KCNG2: variants seen among roughly 807,000 people sequenced by gnomAD.
The protein encoded by KCNG2 is potassium voltage-gated channel modifier subfamily G member 2, also known as voltage-gated potassium channel regulatory subunit KCNG2.
A neutral mutation model predicts 12.3 loss-of-function variants in KCNG2; 7 were observed. The ratio of observed to expected loss-of-function variants is 0.57; its 90% CI spans 0.32 to 1.07. The LOEUF (loss-of-function observed/expected upper bound fraction) is 1.07. Ranked by LOEUF, KCNG2 falls within the 50% of genes least tolerant of loss-of-function variation. The probability of loss-of-function intolerance (pLI) is 0.04; values close to 1 mark genes in which losing one functional copy is unlikely to be tolerated. For missense variants in KCNG2, 703 were observed against 726.0 expected (o/e 0.97, Z 0.36); for synonymous variants, 414 against 351.4 (o/e 1.18, Z -1.99).
intron 2 of KCNG2, among the ~76,000 whole-genome samples, chr18:79,862,576 C>T (rs1171712985): frequency 6.6e-6 from 1 of 152,144 alleles, no homozygotes; most frequent in African/African-American, 2.4e-5. Flanking sequence ...CCGGCATGTG[C>T]GCAGCCGAGG....
At position 79,800,096 on chromosome 18, in the gene KCNG2, G is replaced by A. The variant is rs938502500; in HGVS notation, c.-115+2082G>A. The stretch of plus-strand genomic sequence containing the variant: ...CAGGCACCTGGAGGGCAGCGCGAAC[G>A]GAGGGCTGTTTGTCGTGGGAGGCGC... On this transcript the variant is annotated intron_variant, in intron 1 of 3. Coordinates refer to ENST00000316249, the MANE Select transcript of KCNG2 (RefSeq NM_012283.2). This position sits in a 1 kb window ranked among gnomAD's most constrained non-coding sequence, Gnocchi z 4.0. Among the ~76,000 whole-genome samples the A allele has an allele frequency of 6.6e-6, 1 of 152,166 alleles. No individual in the cohort carries two copies. The highest frequency in any genetic ancestry group is 6.5e-5 in the Admixed American group (1 of 15,280).
chr18:79,877,688 G>A (rs2123104509), intron 3 of KCNG2, among the ~76,000 whole-genome samples: 1 of 152,284 alleles, frequency 6.6e-6, no homozygotes, highest in Middle Eastern at 3.4e-3. Flanking sequence ...CCCACACTTG[G>A]CATCTCTGGA....
At chr18:79,898,950 GA>G (rs1386170430) in intron 3 of KCNG2, 89 bp from the exon 4 acceptor site, 53 of 977,140 alleles carry the variant, frequency 5.4e-5, no homozygotes, top group Admixed American at 1.3e-4. Context: ...TGGCCTGGGG[GA>G]CGCCTCTGGT....
At chr18:79,814,956 T>G (rs2087518356) in intron 1 of KCNG2, among the ~76,000 whole-genome samples, 1 of 151,774 alleles carries the variant, frequency 6.6e-6, no homozygotes, top group Admixed American at 6.6e-5. Flanking sequence ...TTTAGTAGTG[T>G]AATTTCAAAT....
rs866082160 is a variant in KCNG2 at position 79,808,001 on chromosome 18, G to A, written c.-115+9987G>A. Among the ~76,000 whole-genome samples, 44 of 86,238 alleles carry A rather than the reference G, an allele frequency of 5.1e-4. 1 individual carries two copies. The highest frequency in any genetic ancestry group is 9.1e-4 in the Non-Finnish European group (39 of 42,958). The allele number at this position is 86,238 out of a possible 152,430, so 56.6% of individuals were successfully genotyped here. Reference sequence around the variant, plus strand: ...ACTCCACGTTATGGGCCCAGAGTCCGCGCTCTGAGGAGCTGCCGGGGCCGC... The same window carrying A: ...ACTCCACGTTATGGGCCCAGAGTCCACGCTCTGAGGAGCTGCCGGGGCCGC... On this transcript the variant is annotated intron_variant, in intron 1 of 3. Transcript: ENST00000316249.
At chr18:79,805,529 T>C (rs2087442459) in intron 1 of KCNG2, among the ~76,000 whole-genome samples, 1 of 152,056 alleles carries the variant, frequency 6.6e-6, no homozygotes, top group Non-Finnish European at 1.5e-5. Context: ...TGAATGTTTT[T>C]CTCCATTGCC....
chr18:79,819,579 G>T (rs1459805855), intron 1 of KCNG2, among the ~76,000 whole-genome samples: 1 of 152,198 alleles, frequency 6.6e-6, no homozygotes, highest in African/African-American at 2.4e-5. Context: ...GTTTGTGTGA[G>T]CCCCGTCCTC....
intron 1 of KCNG2, among the ~76,000 whole-genome samples, chr18:79,842,552 AAAT>A (rs762544876): frequency 2.0e-4 from 31 of 152,240 alleles, no homozygotes; most frequent in Admixed American, 1.1e-3. Flanking sequence ...AAAGAATTCA[AAAT>A]AATAATCTTA....
chr18:79,817,973 C>G (rs2087542441), intron 1 of KCNG2, among the ~76,000 whole-genome samples: 1 of 152,208 alleles, frequency 6.6e-6, no homozygotes. Context: ...AGGGGACACC[C>G]TACTGGACCT....
intron 3 of KCNG2, among the ~76,000 whole-genome samples, chr18:79,893,628 T>G (rs55735329): frequency 0.017 from 2,613 of 152,006 alleles, 77 homozygotes; most frequent in African/African-American, 0.059. Context: ...GTCTGCTTTT[T>G]ATTGGGTTGT....
chr18:79,829,199 T>G (rs113930332), intron 1 of KCNG2, among the ~76,000 whole-genome samples: 26,066 of 146,722 alleles, frequency 0.18, 3,132 homozygotes, highest in Non-Finnish European at 0.27. Flanking sequence ...TGTCTGTGTG[T>G]GGGTGTCTAT....
chr18:79,816,425 C>G (rs2123000293), intron 1 of KCNG2: 1 of 149,020 alleles, frequency 6.7e-6, no homozygotes, highest in South Asian at 2.3e-4. Context: ...CCTCTGGGGG[C>G]TCCGCTCTGG....
chr18:79,846,414 GA>G (rs887236018), intron 1 of KCNG2, among the ~76,000 whole-genome samples: 14 of 129,242 alleles, frequency 1.1e-4, no homozygotes, highest in Admixed American at 2.3e-4. Context: ...CTCTGTCTCA[GA>G]AAAAAAAAAG....
At chr18:79,863,112 C>T (rs1979282609) in intron 2 of KCNG2, among the ~76,000 whole-genome samples, 2 of 152,222 alleles carry the variant, frequency 1.3e-5, no homozygotes, top group South Asian at 4.1e-4. Flanking sequence ...ACTTTTGGAG[C>T]TCCTTATTCT....
At chr18:79,885,172 C>T (rs951730791) in intron 3 of KCNG2, among the ~76,000 whole-genome samples, 3 of 152,186 alleles carry the variant, frequency 2.0e-5, no homozygotes, top group Non-Finnish European at 4.4e-5. Context: ...GCCCGCCCAG[C>T]CAGGGCACGC....
rs1291642708 is a variant in KCNG2 at position 79,822,741 on chromosome 18, C to T, written c.-115+24727C>T. ...ACCGTGCTGGGCCTTCAAACGTGTG[C>T]TGTGCTCACCCCGAGAGACTGGAGC... On this transcript the variant is annotated intron_variant, in intron 1 of 3. Transcript: ENST00000316249. The surrounding 1 kb of genome is among the most constrained non-coding windows in gnomAD (Gnocchi z 4.4). Among the ~76,000 whole-genome samples, 6 of 152,196 alleles carry T rather than the reference C, an allele frequency of 3.9e-5. No individual in the cohort carries two copies. Among genetic ancestry groups the T allele is most frequent in the African/African-American group, 1.2e-4 (5 of 41,440 alleles).
intron 1 of KCNG2, among the ~76,000 whole-genome samples, chr18:79,802,770 G>A (rs973341963): frequency 6.6e-6 from 1 of 151,640 alleles, no homozygotes; most frequent in Non-Finnish European, 1.5e-5. Flanking sequence ...ATGTCTTTGT[G>A]TGCAGATTAA....
chr18:79,839,452 C>T (rs1378003414), intron 1 of KCNG2, among the ~76,000 whole-genome samples: 2 of 152,220 alleles, frequency 1.3e-5, no homozygotes, highest in Non-Finnish European at 1.5e-5. Context: ...ACTCTACATG[C>T]ACATTTGACA....
At chr18:79,807,194 G>T (rs550173946) in intron 1 of KCNG2, among the ~76,000 whole-genome samples, 13 of 152,178 alleles carry the variant, frequency 8.5e-5, no homozygotes, top group Non-Finnish European at 1.9e-4. Flanking sequence ...ATGGACTGAG[G>T]GTTCCGAGTG....
Sources: gnomAD v4.1 joint callset for allele counts (sites outside exome capture counted in the v4.1 genomes callset) on GRCh38, gnomAD v4.1.1 for gene constraint, Gnocchi (gnomAD v3.1) non-coding constraint, MANE v1.5 for transcripts, NCBI Gene and HGNC (gene_info 2026-07-23, HGNC 2026-07-21) for gene names.